PHYHIP: variants seen among roughly 807,000 people sequenced by gnomAD.
PHYHIP encodes phytanoyl-CoA 2-hydroxylase interacting protein.
Under a neutral mutation model 26.1 loss-of-function variants are expected in PHYHIP, and 7 were observed. The ratio of observed to expected loss-of-function variants is 0.27; its 90% CI spans 0.15 to 0.50. The LOEUF (loss-of-function observed/expected upper bound fraction) is 0.50. Ranked by LOEUF, PHYHIP falls within the 20% of genes least tolerant of loss-of-function variation. The pLI is 0.98. For synonymous variants in PHYHIP, 206 were observed against 183.4 expected (o/e 1.12, Z -1.00); for missense variants, 232 against 454.7 (o/e 0.51, Z 4.45).
Position 22,224,206 on chromosome 8 carries a change from C to T in PHYHIP, c.458+20G>A. 2.1e-6 allele frequency: 3 copies of T among 1,450,902 alleles called. No homozygotes were observed. The Middle Eastern group carries it at 5.2e-4, about 252-fold the overall frequency. 89.9% of individuals were successfully genotyped at this position (1,450,902 alleles called of 1,614,324 possible). A position where few individuals can be genotyped will look rare whatever the true frequency, so the allele number is the denominator to read the frequency against. ...GGGAGGAGAGGCCCGGCGGGTCCAG[C>T]CGGGAGCCCGCGCCCATACCTGGCA... On this transcript the variant is annotated intron_variant, in intron 4 of 4. Coordinates refer to ENST00000454243, the MANE Select transcript of PHYHIP (RefSeq NM_014759.5).
rs1299243628 is a variant in PHYHIP at position 22,220,692 on chromosome 8, G to A, written c.*661C>T. On this transcript the variant is annotated 3_prime_UTR_variant, in exon 5 of 5. Coordinates refer to ENST00000454243, the MANE Select transcript of PHYHIP (RefSeq NM_014759.5). ...CCCCAGTGCCAAGAGAAGAAAGAGA[G>A]TTCCTTTCTAGAGAGCAGGGGGAGT... The A allele has an allele frequency of 6.6e-6, 1 of 152,370 alleles. No individual in the cohort carries two copies. Among genetic ancestry groups the A allele is most frequent in the Non-Finnish European group, 1.5e-5 (1 of 68,134 alleles). 9.4% of individuals were successfully genotyped at this position (152,370 alleles called of 1,614,324 possible).
Position 22,226,782 on chromosome 8 carries a change from A to G in PHYHIP, c.340+69T>C, listed in dbSNP as rs1174705915. On this transcript the variant is annotated intron_variant, in intron 3 of 4. Transcript: ENST00000454243. ...CAGTGTTTGCTGGACTACGAGGAAG[A>G]CCCGCCTTGACCACAGCAAAGCCCG... 13 of 1,425,974 alleles carry G rather than the reference A, an allele frequency of 9.1e-6. No homozygotes were observed. In the Admixed American group the frequency reaches 1.2e-4, roughly 13 times the overall value. The allele number at this position is 1,425,974 out of a possible 1,614,324, so 88.3% of individuals were successfully genotyped here.
In PHYHIP at chr8:22,221,626, C is replaced by T. The variant is rs745477317; in HGVS notation, c.720G>A (p.Ala240=). 31 of 1,613,322 alleles carry T rather than the reference C, an allele frequency of 1.9e-5. No homozygotes were observed. The Admixed American group carries it at 2.2e-4, about 11-fold the overall frequency. Residue 240 remains alanine (A), a synonymous_variant, in exon 5 of 5, where the codon GCG becomes GCA. Coordinates refer to ENST00000454243, the MANE Select transcript of PHYHIP (RefSeq NM_014759.5). The surrounding 1 kb of genome is among the most constrained non-coding windows in gnomAD (Gnocchi z 7.9). ...TAYHYAILVL[A]PKGSLGDRFC... ...AGCGGTCCCCCAGGGAGCCTTTGGG[C>T]GCCAGCACCAGGATGGCGTAGTGGT...
chr8:22,226,304 C>T (rs938399760), intron 3 of PHYHIP, among the ~76,000 whole-genome samples: 8 of 152,094 alleles, frequency 5.3e-5, no homozygotes, highest in African/African-American at 1.9e-4. Context: ...AAAGACAAAT[C>T]CTATACAATT....
At position 22,220,666 on chromosome 8, in the gene PHYHIP, C is replaced by T. The variant is rs142149837; in HGVS notation, c.*687G>A. Reference sequence around the variant, plus strand: ...GGAAGGAACATCCGACAGCCTGACGCCCCCAGTGCCAAGAGAAGAAAGAGA... The same window carrying T: ...GGAAGGAACATCCGACAGCCTGACGTCCCCAGTGCCAAGAGAAGAAAGAGA... On this transcript the variant is annotated 3_prime_UTR_variant, in exon 5 of 5. Transcript: ENST00000454243. The T allele has an allele frequency of 5.7e-3, 872 of 152,442 alleles. 6 individuals are homozygous for T. The highest frequency in any genetic ancestry group is 0.017 in the Middle Eastern group (5 of 298). The allele number at this position is 152,442 out of a possible 1,614,324, so 9.4% of individuals were successfully genotyped here.
rs780026161 is a variant in PHYHIP at position 22,221,476 on chromosome 8, C to T, written c.870G>A (p.Glu290=). The T allele has an allele frequency of 9.3e-6, 15 of 1,614,182 alleles. No individual in the cohort carries two copies. The Admixed American group carries it at 2.5e-4, about 27-fold the overall frequency. The stretch of plus-strand genomic sequence containing the variant: ...GGGTGCCCAGGGACAGGTCGACGGG[C>T]TCAGTGTAGATGATCTCCAGGATGA... ...QDLILEIIYT[E]PVDLSLGTLG... The change falls in exon 5 of 5, where the codon GAG becomes GAA. Residue 290 remains glutamate (E), a synonymous_variant. Transcript: ENST00000454243. This position sits in a 1 kb window ranked among gnomAD's most constrained non-coding sequence, Gnocchi z 7.9.
chr8:22,231,609 G>A (rs1402523474), intron 1 of PHYHIP, among the ~76,000 whole-genome samples, 187 bp downstream of exon 1: 1 of 152,078 alleles, frequency 6.6e-6, no homozygotes, highest in Non-Finnish European at 1.5e-5. Flanking sequence ...TAACTGTGGT[G>A]CCCCAGAGAC....
chr8:22,229,326 A>G (rs1470892393), intron 1 of PHYHIP, among the ~76,000 whole-genome samples: 2 of 152,174 alleles, frequency 1.3e-5, no homozygotes, highest in Non-Finnish European at 2.9e-5. Context: ...GCGTGTGTGC[A>G]TGCATGGGTG....
chr8:22,231,633 TAACC>T (rs778059520), intron 1 of PHYHIP, among the ~76,000 whole-genome samples, 159 bp downstream of exon 1: 18 of 145,716 alleles, frequency 1.2e-4, no homozygotes, highest in Non-Finnish European at 2.5e-4. Flanking sequence ...ATTCAGCCAT[TAACC>T]ACTTTGCCAA....
chr8:22,224,889 G>C (rs1829711439), intron 3 of PHYHIP, among the ~76,000 whole-genome samples: 1 of 152,158 alleles, frequency 6.6e-6, no homozygotes, highest in South Asian at 2.1e-4. Flanking sequence ...CTCTCAGCTT[G>C]AGCATCTCAG....
Position 22,228,185 on chromosome 8 carries a change from C to G in PHYHIP, c.165+8G>C. 6.2e-7 allele frequency: 1 copy of G among 1,613,466 alleles called. No individual in the cohort carries two copies. The highest frequency in any genetic ancestry group is 1.1e-5 in the South Asian group (1 of 91,018). On this transcript the variant is annotated splice_region_variant and intron_variant, in intron 2 of 4. Transcript: ENST00000454243. Reference sequence around the variant, plus strand: ...TGGGGAGGGGCTCCCAGGACACCTTCTACTCACCCGGTGCTTGAACTTGTT... The same window carrying G: ...TGGGGAGGGGCTCCCAGGACACCTTGTACTCACCCGGTGCTTGAACTTGTT...
chr8:22,221,653 G>A lies in PHYHIP; in HGVS notation c.693C>T (p.Ala231=). The A allele has an allele frequency of 1.2e-6, 2 of 1,613,176 alleles. No individual in the cohort carries two copies. The highest frequency in any genetic ancestry group is 1.1e-5 in the South Asian group (1 of 90,994). Residue 231 remains alanine (A), a synonymous_variant, in exon 5 of 5, where the codon GCC becomes GCT. Coordinates refer to ENST00000454243, the MANE Select transcript of PHYHIP (RefSeq NM_014759.5). The surrounding 1 kb of genome is among the most constrained non-coding windows in gnomAD (Gnocchi z 7.9). ...CCAGCACCAGGATGGCGTAGTGGTA[G>A]GCCGTGTACATGCAGTAGAAGTCCG... ...YFADFYCMYT[A]YHYAILVLAP... is the part of the protein sequence containing the mutation.
rs745908766 is a variant in PHYHIP at position 22,228,340 on chromosome 8, C to T, written c.18G>A (p.Thr6=). Residue 6 remains threonine, a synonymous_variant, in exon 2 of 5, where the codon ACG becomes ACA. Transcript: ENST00000454243. ...TGTTGTTGATCTCAATGCTGTGGGG[C>T]GTGGACAGCAGCTCCATGCTCCCGT... MELLS[T]PHSIEINNIT... The T allele has an allele frequency of 1.8e-5, 29 of 1,599,828 alleles. No individual in the cohort carries two copies. Among genetic ancestry groups the T allele is most frequent in the Middle Eastern group, 2.2e-4 (1 of 4,512 alleles).
At chr8:22,225,640 C>CA (rs57092360) in intron 3 of PHYHIP, among the ~76,000 whole-genome samples, 14,367 of 127,892 alleles carry the variant, frequency 0.11, 940 homozygotes, top group African/African-American at 0.13. Flanking sequence ...ACTAAAAATA[C>CA]AAAAAAAAAA....
At chr8:22,228,444 T>C (rs1439610226) in intron 1 of PHYHIP, 58 bp from the exon 2 acceptor site, 2 of 983,702 alleles carry the variant, frequency 2.0e-6, no homozygotes, top group Non-Finnish European at 3.1e-6. Flanking sequence ...TTCTGGAATG[T>C]CCTCCTCCCA....
chr8:22,231,223 C>T (rs1829859583), intron 1 of PHYHIP, among the ~76,000 whole-genome samples: 1 of 152,012 alleles, frequency 6.6e-6, no homozygotes, highest in African/African-American at 2.4e-5. Context: ...CCCCTGTCTG[C>T]ATACACTCCC....
chr8:22,227,142 A>G lies in PHYHIP; in HGVS notation c.166-117T>C, dbSNP rs886593236. ...GCCCTGTTTCTCCTGAGCAGGACCA[A>G]TCTTGAGGATCCAATGGCTCCATAC... is the stretch of plus-strand genomic sequence containing the variant. On this transcript the variant is annotated intron_variant, in intron 2 of 4. Coordinates refer to ENST00000454243, the MANE Select transcript of PHYHIP (RefSeq NM_014759.5). 1.5e-5 allele frequency: 13 copies of G among 862,522 alleles called. No individual in the cohort carries two copies. The African/African-American group carries it at 2.0e-4, about 13-fold the overall frequency. 53.4% of individuals were successfully genotyped at this position (862,522 alleles called of 1,614,324 possible). A position where few individuals can be genotyped will look rare whatever the true frequency, so the allele number is the denominator to read the frequency against.
In PHYHIP at chr8:22,224,270, G is replaced by A. The variant is rs766855047; in HGVS notation, c.414C>T (p.Ser138=). The A allele has an allele frequency of 1.4e-5, 22 of 1,612,526 alleles. No homozygotes were observed. In the East Asian group the frequency reaches 1.8e-4, roughly 13 times the overall value. ...CCTTGTGATGGTTGCGGTAGAAGAC[G>A]GAGAAGCGGAGCATGCGGCCTGCGA... is the stretch of plus-strand genomic sequence containing the variant. ...EQIAGRMLRF[S]VFYRNHHKEY... The change falls in exon 4 of 5, where the codon TCC becomes TCT. Residue 138 remains serine (S), a synonymous_variant. Coordinates refer to ENST00000454243, the MANE Select transcript of PHYHIP (RefSeq NM_014759.5).
chr8:22,231,529 A>G (rs1829866503), intron 1 of PHYHIP, among the ~76,000 whole-genome samples: 1 of 152,180 alleles, frequency 6.6e-6, no homozygotes, highest in Non-Finnish European at 1.5e-5. Flanking sequence ...ACCCTGCCAC[A>G]GGGAATGCTT....
Sources: allele counts gnomAD v4.1 joint callset (sites outside exome capture counted in the v4.1 genomes callset), GRCh38; gene constraint gnomAD v4.1.1; non-coding constraint Gnocchi (gnomAD v3.1); transcripts MANE v1.5; gene names NCBI Gene and HGNC (gene_info 2026-07-23, HGNC 2026-07-21).